CDC42EP3: variants seen among roughly 807,000 people sequenced by gnomAD.
CDC42EP3 encodes the protein CDC42 effector protein 3.
Under a neutral mutation model 15.5 loss-of-function variants are expected in CDC42EP3, and 4 were observed. That is an observed-to-expected ratio of 0.26 (90% confidence interval 0.13 to 0.59). The LOEUF is 0.59. Among genes scored for constraint, CDC42EP3 ranks in the 20% least tolerant of loss-of-function variants. The probability of loss-of-function intolerance (pLI) is 0.89; values close to 1 mark genes in which losing one functional copy is unlikely to be tolerated. For missense variants in CDC42EP3, 309 were observed against 311.2 expected (o/e 0.99, Z 0.05); for synonymous variants, 145 against 130.3 (o/e 1.11, Z -0.77).
intron 1 of CDC42EP3, among the ~76,000 whole-genome samples, chr2:37,652,196 A>G (rs1474310277): frequency 2.7e-5 from 4 of 150,300 alleles, no homozygotes; most frequent in Admixed American, 2.0e-4. Flanking sequence ...AAAAAAAAAA[A>G]AAAAAGAAAA....
At chr2:37,655,316 T>C (rs1288856944) in intron 1 of CDC42EP3, among the ~76,000 whole-genome samples, 1 of 152,224 alleles carries the variant, frequency 6.6e-6, no homozygotes, top group Non-Finnish European at 1.5e-5. Context: ...TATTGTTCTT[T>C]TACAACCCTG....
intron 1 of CDC42EP3, among the ~76,000 whole-genome samples, chr2:37,663,545 T>G (rs1317894243): frequency 6.6e-6 from 1 of 152,130 alleles, no homozygotes; most frequent in Non-Finnish European, 1.5e-5. Context: ...GCGGAGATCT[T>G]GAGAAGGTTC....
intron 1 of CDC42EP3, among the ~76,000 whole-genome samples, chr2:37,661,971 T>C (rs944544349): frequency 9.2e-5 from 14 of 152,138 alleles, no homozygotes; most frequent in Non-Finnish European, 7.4e-5. Flanking sequence ...GCCTTGGTTT[T>C]ATCATGTCAG....
Position 37,645,170 on chromosome 2 carries a change from C to G in CDC42EP3, c.*653G>C, listed in dbSNP as rs538567576. 1 of 152,450 alleles carries G rather than the reference C, an allele frequency of 6.6e-6. No individual in the cohort carries two copies. The highest frequency in any genetic ancestry group is 2.4e-5 in the African/African-American group (1 of 41,380). The allele number at this position is 152,450 out of a possible 1,614,324, so 9.4% of individuals were successfully genotyped here. Reference sequence around the variant, plus strand: ...ACTCTGCAATAAAAAGCCAAAGGCACGTAAAAATATATTTTAACTTTAAAA... The same window carrying G: ...ACTCTGCAATAAAAAGCCAAAGGCAGGTAAAAATATATTTTAACTTTAAAA... On this transcript the variant is annotated 3_prime_UTR_variant, in exon 2 of 2. Transcript: ENST00000295324.
At chr2:37,667,369 T>C (rs1666279124) in intron 1 of CDC42EP3, among the ~76,000 whole-genome samples, 1 of 152,132 alleles carries the variant, frequency 6.6e-6, no homozygotes, top group Non-Finnish European at 1.5e-5. Context: ...GGTTCCTGCC[T>C]TCAAGGAGGG....
chr2:37,657,001 C>CCACCCCCCCCG (rs1553317252), intron 1 of CDC42EP3, among the ~76,000 whole-genome samples: 1 of 103,210 alleles, frequency 9.7e-6, no homozygotes, highest in African/African-American at 4.3e-5. Context: ...CCCCCCGCCC[C>CCACCCCCCCCG]CCGCCATCCT....
intron 1 of CDC42EP3, among the ~76,000 whole-genome samples, chr2:37,660,331 G>A (rs1447427992): frequency 6.6e-6 from 1 of 152,198 alleles, no homozygotes; most frequent in Non-Finnish European, 1.5e-5. Flanking sequence ...TTGATTAGAA[G>A]TTAATTCCCC....
chr2:37,663,332 C>G (rs1005044098), intron 1 of CDC42EP3, among the ~76,000 whole-genome samples: 6 of 152,216 alleles, frequency 3.9e-5, no homozygotes, highest in Non-Finnish European at 7.3e-5. Flanking sequence ...ATGATGCACT[C>G]CACTGTGGAG....
intron 1 of CDC42EP3, among the ~76,000 whole-genome samples, chr2:37,658,787 C>T (rs1665962831): frequency 6.6e-6 from 1 of 152,190 alleles, no homozygotes. Context: ...ACTCCTGGCC[C>T]CCATGATCTT....
intron 1 of CDC42EP3, among the ~76,000 whole-genome samples, chr2:37,656,990 A>ACCC (rs1558340416): frequency 2.4e-5 from 1 of 42,336 alleles, no homozygotes; most frequent in African/African-American, 8.3e-5. Flanking sequence ...CCCCCCCCCC[A>ACCC]CCCCCCGCCC....
intron 1 of CDC42EP3, among the ~76,000 whole-genome samples, chr2:37,666,171 C>T (rs990485140): frequency 2.6e-5 from 4 of 152,158 alleles, no homozygotes; most frequent in African/African-American, 7.2e-5. Flanking sequence ...GGACATACTG[C>T]GGTTATGTAG....
chr2:37,646,088 T>C lies in CDC42EP3; in HGVS notation c.500A>G (p.Gln167Arg). 1 of 1,614,236 alleles carries C rather than the reference T, an allele frequency of 6.2e-7. No individual in the cohort carries two copies. The highest frequency in any genetic ancestry group is 8.5e-7 in the Non-Finnish European group (1 of 1,180,042). ...SSLLENGTVH[Q>R]GDTSWGSSGS... ...GCTGGAGCCCCACGAGGTGTCTCCC[T>C]GGTGGACTGTCCCATTCTCCAACAG... The change falls in exon 2 of 2, where the codon CAG (glutamine) becomes CGG (arginine). Residue 167 changes from glutamine (Q) to arginine (R), a missense_variant. Coordinates refer to ENST00000295324, the MANE Select transcript of CDC42EP3 (RefSeq NM_006449.5).
chr2:37,664,570 C>T (rs6718801), intron 1 of CDC42EP3, among the ~76,000 whole-genome samples: 92,120 of 152,006 alleles, frequency 0.61, 28,522 homozygotes, highest in African/African-American at 0.7. Context: ...AGCAAGTAAG[C>T]GACAAAGATT....
chr2:37,652,174 C>CAAAAAAAAAA (rs61407687), intron 1 of CDC42EP3, among the ~76,000 whole-genome samples: 15 of 39,120 alleles, frequency 3.8e-4, no homozygotes, highest in African/African-American at 8.4e-4. Flanking sequence ...GACTCCCTCT[C>CAAAAAAAAAA]AAAAAAAAAA....
chr2:37,663,059 T>C (rs1375583054), intron 1 of CDC42EP3, among the ~76,000 whole-genome samples: 1 of 152,102 alleles, frequency 6.6e-6, no homozygotes. Flanking sequence ...CAGCTACTCA[T>C]GAGGCTGAGG....
intron 1 of CDC42EP3, among the ~76,000 whole-genome samples, chr2:37,662,717 A>C (rs1666103746): frequency 6.6e-6 from 1 of 152,114 alleles, no homozygotes. Flanking sequence ...CTTACACTAA[A>C]CTTAATAGAA....
At position 37,663,162 on chromosome 2, in the gene CDC42EP3, C is replaced by T. The variant is rs370641527; in HGVS notation, c.-236+8264G>A. On this transcript the variant is annotated intron_variant, in intron 1 of 1. Transcript: ENST00000295324. Reference sequence around the variant, plus strand: ...CCTGGGCAACTGAGTGAGTGAAACTCGGTCTCAAAAACAAAACAAAACAAA... The same window carrying T: ...CCTGGGCAACTGAGTGAGTGAAACTTGGTCTCAAAAACAAAACAAAACAAA... Among the ~76,000 whole-genome samples the T allele has an allele frequency of 1.3e-4, 19 of 151,318 alleles. No individual in the cohort carries two copies. In the East Asian group the frequency reaches 3.3e-3, roughly 26 times the overall value.
chr2:37,653,859 C>A (rs1443124362), intron 1 of CDC42EP3, among the ~76,000 whole-genome samples: 4 of 152,132 alleles, frequency 2.6e-5, no homozygotes, highest in Admixed American at 2.6e-4. Context: ...GGTGCTACTG[C>A]CCCCAGGGAC....
In CDC42EP3 at chr2:37,644,641, T is replaced by C. The variant is rs1316396782; in HGVS notation, c.*1182A>G. 1.4e-5 allele frequency: 2 copies of C among 145,778 alleles called. No homozygotes were observed. Among genetic ancestry groups the C allele is most frequent in the Non-Finnish European group, 3.0e-5 (2 of 66,454 alleles). 9.0% of individuals were successfully genotyped at this position (145,778 alleles called of 1,614,324 possible). A position where few individuals can be genotyped will look rare whatever the true frequency, so the allele number is the denominator to read the frequency against. On this transcript the variant is annotated 3_prime_UTR_variant, in exon 2 of 2. Coordinates refer to ENST00000295324, the MANE Select transcript of CDC42EP3 (RefSeq NM_006449.5). ...GCTGACTTAAAAAAAAAAAAAAAAATCTGACCTCACATGTTCATTTTTCCA... is the reference window on the plus strand; with the variant it reads ...GCTGACTTAAAAAAAAAAAAAAAAACCTGACCTCACATGTTCATTTTTCCA...
Sources: allele counts gnomAD v4.1 joint callset (sites outside exome capture counted in the v4.1 genomes callset), GRCh38; gene constraint gnomAD v4.1.1; transcripts MANE v1.5; gene names NCBI Gene and HGNC (gene_info 2026-07-23, HGNC 2026-07-21).